Variants in ABCG2 observed in about 807,000 individuals in gnomAD.
ABCG2 encodes the protein broad substrate specificity ATP-binding cassette transporter ABCG2.
ABCG2 carries 80 observed loss-of-function variants against 73.5 expected under a neutral mutation model. The ratio of observed to expected loss-of-function variants is 1.09; its 90% CI spans 0.91 to 1.31. The LOEUF (loss-of-function observed/expected upper bound fraction) is 1.31. ABCG2 is among the 50% of genes most tolerant of loss of function. ABCG2 has a pLI of 0.00. For synonymous variants in ABCG2, 269 were observed against 282.4 expected (o/e 0.95, Z 0.48); for missense variants, 796 against 786.2 (o/e 1.01, Z -0.15).
intron 1 of ABCG2, among the ~76,000 whole-genome samples, chr4:88,146,559 G>A (rs775876892): frequency 9.2e-5 from 14 of 152,068 alleles, no homozygotes; most frequent in East Asian, 1.9e-4. Flanking sequence ...CACACTTGGC[G>A]ATTTTTGTAT....
In ABCG2 at chr4:88,096,710, C is replaced by T. The variant is rs374926190; in HGVS notation, c.1647+743G>A. On this transcript the variant is annotated intron_variant, in intron 13 of 15. Transcript: ENST00000237612. ...ATTCACCTGTTGATTCCTCTATGTG[C>T]AAAATTTAGGGGCATGTAAGATTAG... is the stretch of plus-strand genomic sequence containing the variant. Among the ~76,000 whole-genome samples the T allele has an allele frequency of 3.1e-4, 47 of 150,282 alleles. No individual in the cohort carries two copies. The South Asian group carries it at 9.9e-3, about 32-fold the overall frequency.
At chr4:88,136,780 C>G (rs968067302) in intron 2 of ABCG2, among the ~76,000 whole-genome samples, 1 of 151,708 alleles carries the variant, frequency 6.6e-6, no homozygotes, top group African/African-American at 2.4e-5. Flanking sequence ...TTTTGGGAGG[C>G]CAAGGCAGGT....
intron 10 of ABCG2, among the ~76,000 whole-genome samples, chr4:88,104,666 A>AG (rs201742138): frequency 0.033 from 4,952 of 151,074 alleles, 177 homozygotes; most frequent in African/African-American, 0.083. Flanking sequence ...CTTTGGGGGA[A>AG]AAAAAAAAGA....
intron 1 of ABCG2, among the ~76,000 whole-genome samples, chr4:88,148,922 T>G (rs1040987508): frequency 6.6e-6 from 1 of 152,242 alleles, no homozygotes; most frequent in African/African-American, 2.4e-5. Flanking sequence ...TTCTGTCCCC[T>G]TAATTTTTCA....
At chr4:88,126,878 G>A (rs1360989030) in intron 5 of ABCG2, among the ~76,000 whole-genome samples, 3 of 151,616 alleles carry the variant, frequency 2.0e-5, no homozygotes, top group Non-Finnish European at 4.4e-5. Flanking sequence ...AGACAAGGAC[G>A]CACTCTCTCA....
intron 1 of ABCG2, among the ~76,000 whole-genome samples, chr4:88,189,520 T>TATGA (rs1553944304): frequency 4.7e-5 from 7 of 147,862 alleles, no homozygotes; most frequent in African/African-American, 1.7e-4. Context: ...CATCTAAAAA[T>TATGA]ATAAATAAAT....
rs551229170 is a variant in ABCG2 at position 88,155,789 on chromosome 4, C to T, written c.-20+2597G>A. On this transcript the variant is annotated intron_variant, in intron 1 of 15. Coordinates refer to ENST00000237612, the MANE Select transcript of ABCG2 (RefSeq NM_004827.3). The stretch of plus-strand genomic sequence containing the variant: ...GGCGTGGTGGCACATGCCTGTAATC[C>T]CTGCTACTCAGGAGGCTGAGGCAGG... Among the ~76,000 whole-genome samples the T allele has an allele frequency of 2.6e-5, 4 of 151,940 alleles. No homozygotes were observed. The East Asian group carries it at 5.9e-4, about 22-fold the overall frequency.
intron 1 of ABCG2, among the ~76,000 whole-genome samples, chr4:88,203,589 A>G (rs1331060249): frequency 1.3e-5 from 2 of 152,060 alleles, no homozygotes; most frequent in African/African-American, 4.8e-5. Flanking sequence ...CCCTGTCCCT[A>G]CTAAAAATAC....
At chr4:88,188,363 C>G (rs977987816) in intron 1 of ABCG2, among the ~76,000 whole-genome samples, 1 of 151,910 alleles carries the variant, frequency 6.6e-6, no homozygotes. Flanking sequence ...CCATACGACA[C>G]TATTTTAATT....
At chr4:88,106,457 C>A (rs973030516) in intron 10 of ABCG2, among the ~76,000 whole-genome samples, 2 of 152,154 alleles carry the variant, frequency 1.3e-5, no homozygotes, top group African/African-American at 4.8e-5. Flanking sequence ...AAATCTGACA[C>A]ATGCTACATG....
chr4:88,117,570 G>C (rs1002641844), intron 7 of ABCG2, among the ~76,000 whole-genome samples: 4 of 152,180 alleles, frequency 2.6e-5, no homozygotes, highest in Admixed American at 6.5e-5. Flanking sequence ...CCGAGAGGCA[G>C]AGCTTGCAGT....
chr4:88,141,709 G>C (rs1725652890), intron 1 of ABCG2, among the ~76,000 whole-genome samples: 2 of 152,070 alleles, frequency 1.3e-5, no homozygotes, highest in African/African-American at 2.4e-5. Context: ...GATTCTGAAG[G>C]CTGCCTGATT....
At chr4:88,176,416 AAGCTATTAACTAACTTTC>A (rs1214245804) in intron 1 of ABCG2, among the ~76,000 whole-genome samples, 4 of 151,796 alleles carry the variant, frequency 2.6e-5, no homozygotes, top group African/African-American at 9.7e-5. Flanking sequence ...CCTTTAATGA[AAGCTATTAACTAACTTTC>A]AATAGGCAGA....
At chr4:88,122,862 T>C (rs113752350) in intron 5 of ABCG2, among the ~76,000 whole-genome samples, 16,514 of 152,240 alleles carry the variant, frequency 0.11, 2,297 homozygotes, top group African/African-American at 0.32. Flanking sequence ...CTGTGCCTCC[T>C]GATTGGGAGA....
At chr4:88,106,649 G>C (rs933251545) in intron 10 of ABCG2, among the ~76,000 whole-genome samples, 1 of 152,238 alleles carries the variant, frequency 6.6e-6, no homozygotes, top group Non-Finnish European at 1.5e-5. Flanking sequence ...AATGGGTACA[G>C]ATATTCCACT....
rs574988487 is a variant in ABCG2, at chr4:88,096,800, A to C, written c.1647+653T>G. Among the ~76,000 whole-genome samples the C allele has an allele frequency of 2.0e-5, 3 of 152,278 alleles. No homozygotes were observed. In the South Asian group the frequency reaches 6.2e-4, roughly 32 times the overall value. ...ATATTGAATGTCAGGAACGAAACCC[A>C]GAAAGGAGGTACTTAGTAGTGTGTG... On this transcript the variant is annotated intron_variant, in intron 13 of 15. Transcript: ENST00000237612.
chr4:88,206,050 C>T (rs1221609727), intron 1 of ABCG2, among the ~76,000 whole-genome samples: 2 of 152,206 alleles, frequency 1.3e-5, no homozygotes, highest in African/African-American at 4.8e-5. Flanking sequence ...GTTCTCTAAT[C>T]CAATCTAAAC....
chr4:88,182,851 C>T (rs1491004244), intron 1 of ABCG2, among the ~76,000 whole-genome samples: 1 of 151,816 alleles, frequency 6.6e-6, no homozygotes, highest in Non-Finnish European at 1.5e-5. Context: ...TTTGGGAGGC[C>T]AAAGCAGGCA....
At chr4:88,120,186 G>A (rs1246335220) in intron 6 of ABCG2, among the ~76,000 whole-genome samples, 4 of 152,216 alleles carry the variant, frequency 2.6e-5, no homozygotes, top group Admixed American at 2.6e-4. Context: ...CTAGATTTCA[G>A]AGGATGTATG....
Sources: allele counts gnomAD v4.1 joint callset (sites outside exome capture counted in the v4.1 genomes callset), GRCh38; gene constraint gnomAD v4.1.1; transcripts MANE v1.5; gene names NCBI Gene and HGNC (gene_info 2026-07-23, HGNC 2026-07-21).